Variants in CDC42EP5 observed in about 807,000 individuals in gnomAD.
CDC42EP5 encodes the protein CDC42 effector protein (Rho GTPase binding) 5.
For missense variants in CDC42EP5, 269 were observed against 238.0 expected, an observed-to-expected ratio of 1.13 and a Z score of -0.86; for synonymous variants, 118 against 123.3, an observed-to-expected ratio of 0.96 and a Z score of 0.28.
chr19:54,468,935 T>TCCTTCCTTCCTTC (rs2084797294), intron 2 of CDC42EP5, among the ~76,000 whole-genome samples: 1 of 39,340 alleles, frequency 2.5e-5, no homozygotes, highest in African/African-American at 9.1e-5. Context: ...TTCTTTCTTT[T>TCCTTCCTTCCTTC]CTTCCCTCCC....
intron 2 of CDC42EP5, among the ~76,000 whole-genome samples, chr19:54,465,944 A>G (rs569755999): frequency 6.6e-6 from 1 of 152,210 alleles, no homozygotes; most frequent in Admixed American, 6.5e-5. Flanking sequence ...CTCCCGTTTC[A>G]CAGATGGGGT....
Position 54,465,445 on chromosome 19 carries a change from GC to G in CDC42EP5, c.102del (p.His35ThrfsTer15). On this transcript the variant is annotated frameshift_variant, in exon 3 of 3. Transcript: ENST00000301200. LOFTEE classifies it low-confidence loss of function (END_TRUNC). Reference sequence around the variant, plus strand: ...AAGGCGTCGCCGCCGCGCCCCACGTGCAGCGTGTGCCGGAAGTCGCCGAGCG... The same window carrying G: ...AAGGCGTCGCCGCCGCGCCCCACGTGAGCGTGTGCCGGAAGTCGCCGAGCG... ...SAPLGDFRHT[L>X]HVGRGGDAFG... is the part of the protein sequence containing the mutation. 1 of 1,511,784 alleles carries G rather than the reference GC, an allele frequency of 6.6e-7. No homozygotes were observed. The highest frequency in any genetic ancestry group is 1.2e-5 in the South Asian group (1 of 81,892). The allele number at this position is 1,511,784 out of a possible 1,614,324, so 93.6% of individuals were successfully genotyped here.
intron 2 of CDC42EP5, among the ~76,000 whole-genome samples, chr19:54,468,215 AG>A (rs1458561246): frequency 6.6e-6 from 1 of 152,228 alleles, no homozygotes; most frequent in Non-Finnish European, 1.5e-5. Flanking sequence ...GAACACTATG[AG>A]AAAGACAAAG....
At position 54,471,548 on chromosome 19, in the gene CDC42EP5, G is replaced by T. The variant is rs2084836904; in HGVS notation, c.-4C>A. ...CCCTGTCCCCACCGCGCCTTACCTC[G>T]CGGTCCTCCCAGAGCGGGGCGGGCG... On this transcript the variant is annotated 5_prime_UTR_variant, in exon 2 of 3. Transcript: ENST00000301200. The T allele has an allele frequency of 6.6e-6, 1 of 151,890 alleles. No individual in the cohort carries two copies. Among genetic ancestry groups the T allele is most frequent in the Non-Finnish European group, 1.5e-5 (1 of 67,974 alleles). 9.4% of individuals were successfully genotyped at this position (151,890 alleles called of 1,614,324 possible).
chr19:54,465,298 G>C lies in CDC42EP5; in HGVS notation c.250C>G (p.Pro84Ala). The C allele has an allele frequency of 8.0e-7, 1 of 1,256,260 alleles. No homozygotes were observed. The highest frequency in any genetic ancestry group is 1.0e-6 in the Non-Finnish European group (1 of 998,408). 77.8% of individuals were successfully genotyped at this position (1,256,260 alleles called of 1,614,324 possible). Residue 84 changes from proline to alanine, a missense_variant, in exon 3 of 3, where the codon CCT (proline) becomes GCT (alanine). By Grantham distance (27) the Pro-to-Ala change is conservative. Transcript: ENST00000301200. ...TGGAAGGACAGCAGCGGGTCGGCAGGCGAGGGCGCTGCGGACTGCGGGACG... is the reference window on the plus strand; with the variant it reads ...TGGAAGGACAGCAGCGGGTCGGCAGCCGAGGGCGCTGCGGACTGCGGGACG... ...PAVPQSAAPS[P>A]ADPLLSFHLD...
chr19:54,469,185 G>A (rs1479434788), intron 2 of CDC42EP5, among the ~76,000 whole-genome samples: 1 of 151,610 alleles, frequency 6.6e-6, no homozygotes, highest in Non-Finnish European at 1.5e-5. Context: ...TAGTAGAGAT[G>A]GGGTTTCACC....
chr19:54,468,642 C>CA lies in CDC42EP5; in HGVS notation c.-1+2902dup, dbSNP rs563178405. 3.2e-3 allele frequency among the ~76,000 whole-genome samples: 480 copies of CA among 152,146 alleles called. 6 individuals are homozygous for CA. The highest frequency in any genetic ancestry group is 0.011 in the African/African-American group (452 of 41,480). ...CACTGCAACCTCCGCCTCCCGGACT[C>CA]AAGCGATCCTCCCACCTCAGACTCC... On this transcript the variant is annotated intron_variant, in intron 2 of 2. Transcript: ENST00000301200.
rs1161162171 is a variant in CDC42EP5, at chr19:54,465,366, CG to C, written c.181del (p.Arg61GlyfsTer82). On this transcript the variant is annotated frameshift_variant, in exon 3 of 3. Coordinates refer to ENST00000301200, the MANE Select transcript of CDC42EP5 (RefSeq NM_145057.4). LOFTEE classifies it low-confidence loss of function (END_TRUNC). ...RHGGGPPPEPRAPPAGAPRSP... is the reference protein window; with the variant it reads ...RHGGGPPPEPXAPPAGAPRSP... The stretch of plus-strand genomic sequence containing the variant: ...GCGCGGGGCCCCCGCGGGGGGCGCC[CG>C]GGGCTCGGGGGGCGGCCCGCCGCCG... 5 of 1,158,706 alleles carry C rather than the reference CG, an allele frequency of 4.3e-6. No individual in the cohort carries two copies. Among genetic ancestry groups the C allele is most frequent in the Non-Finnish European group, 5.3e-6 (5 of 941,346 alleles). 71.8% of individuals were successfully genotyped at this position (1,158,706 alleles called of 1,614,324 possible). A position where few individuals can be genotyped will look rare whatever the true frequency, so the allele number is the denominator to read the frequency against.
chr19:54,465,966 C>T (rs886577279), intron 2 of CDC42EP5, among the ~76,000 whole-genome samples: 2 of 152,148 alleles, frequency 1.3e-5, no homozygotes, highest in African/African-American at 4.8e-5. Flanking sequence ...AGATGAGACT[C>T]CAGGAGGTCC....
At chr19:54,466,517 ACT>A (rs2084757925) in intron 2 of CDC42EP5, among the ~76,000 whole-genome samples, 1 of 152,130 alleles carries the variant, frequency 6.6e-6, no homozygotes, top group South Asian at 2.1e-4. Flanking sequence ...GACAGGGCTG[ACT>A]CTGTCCATTA....
chr19:54,465,416 C>T lies in CDC42EP5; in HGVS notation c.132G>A (p.Gly44=). 1.4e-6 allele frequency: 2 copies of T among 1,445,510 alleles called. No individual in the cohort carries two copies. Among genetic ancestry groups the T allele is most frequent in the Non-Finnish European group, 1.8e-6 (2 of 1,103,276 alleles). The allele number at this position is 1,445,510 out of a possible 1,614,324, so 89.5% of individuals were successfully genotyped here. A position where few individuals can be genotyped will look rare whatever the true frequency, so the allele number is the denominator to read the frequency against. ...LHVGRGGDAF[G]DTSFLSRHGG... is the part of the protein sequence containing the mutation. ...CGTGGCGGCTCAGGAACGAGGTGTC[C>T]CCGAAGGCGTCGCCGCCGCGCCCCA... is the stretch of plus-strand genomic sequence containing the variant. The change falls in exon 3 of 3, where the codon GGG becomes GGA. Residue 44 remains glycine, a synonymous_variant. Transcript: ENST00000301200.
chr19:54,470,488 AGAAAG>A (rs1286560005), intron 2 of CDC42EP5, among the ~76,000 whole-genome samples: 1 of 151,048 alleles, frequency 6.6e-6, no homozygotes, highest in Non-Finnish European at 1.5e-5. Context: ...AGAAAGAAAA[AGAAAG>A]GAAAGGAAGG....
chr19:54,466,783 G>A (rs896285032), intron 2 of CDC42EP5, among the ~76,000 whole-genome samples: 65 of 152,252 alleles, frequency 4.3e-4, no homozygotes, highest in African/African-American at 1.4e-3. Context: ...GTAATCTAGA[G>A]ATGATTTAAA....
chr19:54,468,618 A>G (rs1196547299), intron 2 of CDC42EP5, among the ~76,000 whole-genome samples: 2 of 152,150 alleles, frequency 1.3e-5, no homozygotes, highest in African/African-American at 2.4e-5. Flanking sequence ...ATCTTGGCTC[A>G]CTGCAACCTC....
intron 2 of CDC42EP5, among the ~76,000 whole-genome samples, chr19:54,465,865 C>T (rs1251982935): frequency 6.6e-6 from 1 of 151,964 alleles, no homozygotes; most frequent in Non-Finnish European, 1.5e-5. Context: ...GAACTCCTGA[C>T]CTCAGGTGAT....
Position 54,465,323 on chromosome 19 carries a change from G to C in CDC42EP5, c.225C>G (p.Ala75=), listed in dbSNP as rs1296447097. 1 of 1,189,780 alleles carries C rather than the reference G, an allele frequency of 8.4e-7. No individual in the cohort carries two copies. Among genetic ancestry groups the C allele is most frequent in the Non-Finnish European group, 1.0e-6 (1 of 961,412 alleles). The allele number at this position is 1,189,780 out of a possible 1,614,324, so 73.7% of individuals were successfully genotyped here. A position where few individuals can be genotyped will look rare whatever the true frequency, so the allele number is the denominator to read the frequency against. Residue 75 remains alanine, a synonymous_variant, in exon 3 of 3, where the codon GCC becomes GCG. Coordinates refer to ENST00000301200, the MANE Select transcript of CDC42EP5 (RefSeq NM_145057.4). ...GCGAGGGCGCTGCGGACTGCGGGAC[G>C]GCGGGCGGCGGCGGGGAGCGCGGGG... ...AGAPRSPPPP[A]VPQSAAPSPA... is the part of the protein sequence containing the mutation.
chr19:54,468,231 T>C (rs2084781797), intron 2 of CDC42EP5, among the ~76,000 whole-genome samples: 1 of 152,148 alleles, frequency 6.6e-6, no homozygotes, highest in Non-Finnish European at 1.5e-5. Flanking sequence ...ACAAAGCCGC[T>C]GACATTGTTT....
Position 54,465,495 on chromosome 19 carries a change from C to CGA in CDC42EP5, c.51_52dup (p.Arg18LeufsTer33), listed in dbSNP as rs761022040. 3.6e-5 allele frequency: 55 copies of CGA among 1,537,958 alleles called. No individual in the cohort carries two copies. Among genetic ancestry groups the CGA allele is most frequent in the Non-Finnish European group, 4.8e-5 (55 of 1,154,654 alleles). On this transcript the variant is annotated frameshift_variant, in exon 3 of 3. Coordinates refer to ENST00000301200, the MANE Select transcript of CDC42EP5 (RefSeq NM_145057.4). LOFTEE classifies it low-confidence loss of function (END_TRUNC). The stretch of plus-strand genomic sequence containing the variant: ...CGGCGCGGAGATGGACAGGGCGCCG[C>CGA]GATCAGGCCGCTTCTTGGGCTGCGC...
Position 54,465,191 on chromosome 19 carries a change from G to A in CDC42EP5, c.357C>T (p.Pro119=), listed in dbSNP as rs556263450. ...GCGTCCCGGGGCGGGGTTCCGCGTC[G>A]GGCTTGGCGGCAGCCGCCTCCGGGC... ...AARPEAAAAK[P]DAEPRPGTQP... is the part of the protein sequence containing the mutation. Residue 119 remains proline, a synonymous_variant, in exon 3 of 3, where the codon CCC becomes CCT. Transcript: ENST00000301200. 1.7e-4 allele frequency: 237 copies of A among 1,431,592 alleles called. No individual in the cohort carries two copies. In the African/African-American group the frequency reaches 3.0e-3, roughly 18 times the overall value. 88.7% of individuals were successfully genotyped at this position (1,431,592 alleles called of 1,614,324 possible).
Sources: gnomAD v4.1 joint callset for allele counts (sites outside exome capture counted in the v4.1 genomes callset) on GRCh38, gnomAD v4.1.1 for gene constraint, MANE v1.5 for transcripts, NCBI Gene and HGNC (gene_info 2026-07-23, HGNC 2026-07-21) for gene names.